VRK2: variants seen among roughly 807,000 people sequenced by gnomAD.
VRK2 encodes VRK serine/threonine kinase 2, also known as serine/threonine-protein kinase VRK2.
Under a neutral mutation model 57.6 loss-of-function variants are expected in VRK2, and 60 were observed. That is an observed-to-expected ratio of 1.04 (90% confidence interval 0.85 to 1.29). The LOEUF (loss-of-function observed/expected upper bound fraction) is 1.29. Ranked by LOEUF, VRK2 falls within the 50% of genes most tolerant of loss-of-function variation. The probability of loss-of-function intolerance (pLI) is 0.00; values close to 1 mark genes in which losing one functional copy is unlikely to be tolerated. For synonymous variants in VRK2, 231 were observed against 199.2 expected, an observed-to-expected ratio of 1.16 and a Z score of -1.35; for missense variants, 705 against 588.1, an observed-to-expected ratio of 1.20 and a Z score of -2.06.
At chr2:58,157,410 T>G (rs745711609) in intron 12 of VRK2, among the ~76,000 whole-genome samples, 5 of 152,196 alleles carry the variant, frequency 3.3e-5, no homozygotes, top group Admixed American at 6.5e-5. Flanking sequence ...TTCGCATCAT[T>G]CCTAGTACTT....
intron 1 of VRK2, among the ~76,000 whole-genome samples, chr2:57,973,345 C>T (rs1672152162): frequency 6.6e-6 from 1 of 151,770 alleles, no homozygotes; most frequent in South Asian, 2.1e-4. Context: ...CTCTTATTAA[C>T]AAGTAAATTT....
intron 2 of VRK2, chr2:58,058,214 C>T (rs2103865499): frequency 5.6e-6 from 2 of 359,588 alleles, no homozygotes; most frequent in East Asian, 7.8e-5. Context: ...TTTTCAAAAC[C>T]CTAAATTTAA....
intron 7 of VRK2, among the ~76,000 whole-genome samples, chr2:58,095,477 C>A (rs978246110): frequency 6.6e-6 from 1 of 151,974 alleles, no homozygotes; most frequent in Admixed American, 6.6e-5. Flanking sequence ...TTTCCTCTTA[C>A]TAGTTTTGCA....
At chr2:58,122,793 A>G (rs553107010) in intron 7 of VRK2, among the ~76,000 whole-genome samples, 1 of 152,324 alleles carries the variant, frequency 6.6e-6, no homozygotes, top group South Asian at 2.1e-4. Context: ...TACAGATAAA[A>G]AGACATATTG....
At chr2:57,945,813 T>A (rs751260885) in intron 1 of VRK2, among the ~76,000 whole-genome samples, 4 of 152,122 alleles carry the variant, frequency 2.6e-5, no homozygotes, top group African/African-American at 9.7e-5. Flanking sequence ...AAAAGACCTA[T>A]CAGTGCAACA....
At chr2:58,084,296 C>G (rs1383938592) in intron 3 of VRK2, among the ~76,000 whole-genome samples, 158 bp downstream of exon 3, 2 of 151,754 alleles carry the variant, frequency 1.3e-5, no homozygotes, top group Non-Finnish European at 3.0e-5. Context: ...AACTGGAGAA[C>G]CTTTGTTTTT....
At chr2:58,088,011 A>G (rs992458226) in intron 5 of VRK2, among the ~76,000 whole-genome samples, 1 of 152,126 alleles carries the variant, frequency 6.6e-6, no homozygotes, top group Non-Finnish European at 1.5e-5. Flanking sequence ...TGTGTACAAT[A>G]ATTTGTTCAA....
At chr2:58,153,079 C>A (rs1683298514) in intron 12 of VRK2, among the ~76,000 whole-genome samples, 1 of 151,940 alleles carries the variant, frequency 6.6e-6, no homozygotes, top group African/African-American at 2.4e-5. Flanking sequence ...AATCCTAATC[C>A]TCAGAAAGCA....
chr2:58,124,964 A>G (rs1678093588), intron 8 of VRK2, among the ~76,000 whole-genome samples: 1 of 152,186 alleles, frequency 6.6e-6, no homozygotes, highest in Non-Finnish European at 1.5e-5. Context: ...TATGGGACGT[A>G]TCTTACATTA....
intron 2 of VRK2, among the ~76,000 whole-genome samples, chr2:58,049,603 G>A (rs1451450004): frequency 2.0e-5 from 3 of 152,056 alleles, no homozygotes; most frequent in Non-Finnish European, 4.4e-5. Context: ...GAACTTTAAT[G>A]GATCATTGAG....
chr2:58,080,534 A>G (rs997366362), intron 2 of VRK2, among the ~76,000 whole-genome samples: 2 of 151,792 alleles, frequency 1.3e-5, no homozygotes, highest in Non-Finnish European at 2.9e-5. Flanking sequence ...ATTTTGAATT[A>G]CATTTTTAGA....
intron 2 of VRK2, among the ~76,000 whole-genome samples, chr2:58,077,022 C>T (rs186469555): frequency 6.6e-6 from 1 of 152,088 alleles, no homozygotes; most frequent in East Asian, 1.9e-4. Context: ...TTATATACTT[C>T]ATTAAAATTT....
At chr2:58,073,993 G>A (rs1290929937) in intron 2 of VRK2, among the ~76,000 whole-genome samples, 1 of 151,930 alleles carries the variant, frequency 6.6e-6, no homozygotes, top group African/African-American at 2.4e-5. Context: ...AATCTCCTTT[G>A]GCAACACCCT....
chr2:57,930,225 G>A (rs577935695), intron 1 of VRK2, among the ~76,000 whole-genome samples: 28 of 152,214 alleles, frequency 1.8e-4, no homozygotes, highest in East Asian at 5.8e-4. Flanking sequence ...AAGGCTTATC[G>A]GAACTCAGGT....
chr2:58,143,116 A>C (rs1447784564), intron 11 of VRK2, among the ~76,000 whole-genome samples: 2 of 151,900 alleles, frequency 1.3e-5, no homozygotes, highest in Non-Finnish European at 2.9e-5. Context: ...CCTAAGCTTT[A>C]AGTCTCAAAA....
At chr2:58,037,524 G>GA (rs1301047828) in intron 3 of VRK2, among the ~76,000 whole-genome samples, 1 of 151,974 alleles carries the variant, frequency 6.6e-6, no homozygotes, top group Non-Finnish European at 1.5e-5. Context: ...AAAGCTTAAA[G>GA]AAAAAAGCTG....
At chr2:57,943,171 C>T (rs1671153540) in intron 1 of VRK2, among the ~76,000 whole-genome samples, 1 of 152,152 alleles carries the variant, frequency 6.6e-6, no homozygotes, top group African/African-American at 2.4e-5. Context: ...TGCTTGAATA[C>T]TTCTTACTGG....
intron 10 of VRK2, among the ~76,000 whole-genome samples, chr2:58,136,992 G>GTA (rs1166278899): frequency 7.9e-5 from 10 of 126,870 alleles, no homozygotes; most frequent in East Asian, 4.3e-4. Flanking sequence ...ATATATATGT[G>GTA]TATATATCAT....
Position 58,087,716 on chromosome 2 carries a change from C to T in VRK2, c.345-625C>T, listed in dbSNP as rs567294580. Among the ~76,000 whole-genome samples the T allele has an allele frequency of 2.4e-4, 36 of 152,208 alleles. No homozygotes were observed. The East Asian group carries it at 5.2e-3, about 22-fold the overall frequency. On this transcript the variant is annotated intron_variant, in intron 5 of 12. Coordinates refer to ENST00000340157, the MANE Select transcript of VRK2 (RefSeq NM_006296.7). Reference sequence around the variant, plus strand: ...AATATAAAATTCATGTGGCTGGGCACGGTGGCTCATGCCTGTAATCCCAGC... The same window carrying T: ...AATATAAAATTCATGTGGCTGGGCATGGTGGCTCATGCCTGTAATCCCAGC...
Sources: gnomAD v4.1 joint callset for allele counts (sites outside exome capture counted in the v4.1 genomes callset) on GRCh38, gnomAD v4.1.1 for gene constraint, MANE v1.5 for transcripts, NCBI Gene and HGNC (gene_info 2026-07-23, HGNC 2026-07-21) for gene names.